RNF144A: variants seen among roughly 807,000 people sequenced by gnomAD.
RNF144A encodes ring finger protein 144A, also known as E3 ubiquitin-protein ligase RNF144A.
Under a neutral mutation model 38.7 loss-of-function variants are expected in RNF144A, and 11 were observed. The observed-to-expected ratio is 0.28, with a 90% CI of 0.18 to 0.47. RNF144A has a LOEUF of 0.47. Among genes scored for constraint, RNF144A ranks in the 20% least tolerant of loss-of-function variants. The pLI is 0.99. For synonymous variants in RNF144A, 149 were observed against 143.9 expected, an observed-to-expected ratio of 1.04 and a Z score of -0.25; for missense variants, 316 against 377.2, an observed-to-expected ratio of 0.84 and a Z score of 1.34.
At chr2:6,921,053 A>G (rs138550694) in intron 1 of RNF144A, among the ~76,000 whole-genome samples, 2,018 of 152,374 alleles carry the variant, frequency 0.013, 38 homozygotes, top group African/African-American at 0.046. Flanking sequence ...CTCACCAAGT[A>G]CAACCATTCG....
chr2:7,013,871 G>C (rs563419217), intron 3 of RNF144A, among the ~76,000 whole-genome samples: 9 of 152,352 alleles, frequency 5.9e-5, no homozygotes, highest in Admixed American at 5.9e-4. Context: ...GAGGCACCCT[G>C]AGTGAGGAAT....
At chr2:7,047,824 A>G (rs945338448), downstream of RNF144A, among the ~76,000 whole-genome samples, 3 of 152,190 alleles carry the variant, frequency 2.0e-5, no homozygotes, top group African/African-American at 7.2e-5. Flanking sequence ...ATGCTCACAA[A>G]GCTGCGAGTC....
intron 3 of RNF144A, among the ~76,000 whole-genome samples, chr2:6,999,713 G>A (rs1669980398): frequency 6.6e-6 from 1 of 152,176 alleles, no homozygotes; most frequent in Non-Finnish European, 1.5e-5. Flanking sequence ...GAACATGTGT[G>A]AAGTCATGTG....
At chr2:6,967,229 A>G (rs1355261616) in intron 2 of RNF144A, among the ~76,000 whole-genome samples, 1 of 152,244 alleles carries the variant, frequency 6.6e-6, no homozygotes. Flanking sequence ...CATGTAGGTC[A>G]TTCTTCCTCC....
At chr2:6,968,183 C>T (rs1667788555) in intron 2 of RNF144A, among the ~76,000 whole-genome samples, 1 of 152,234 alleles carries the variant, frequency 6.6e-6, no homozygotes, top group Non-Finnish European at 1.5e-5. Flanking sequence ...GATCCTTCCT[C>T]AAGGACCTTC....
chr2:7,042,848 G>A lies in RNF144A; in HGVS notation c.*3088G>A. 2 of 985,402 alleles carry A rather than the reference G, an allele frequency of 2.0e-6. No individual in the cohort carries two copies. Among genetic ancestry groups the A allele is most frequent in the Non-Finnish European group, 2.4e-6 (2 of 829,906 alleles). The allele number at this position is 985,402 out of a possible 1,614,324, so 61.0% of individuals were successfully genotyped here. A position where few individuals can be genotyped will look rare whatever the true frequency, so the allele number is the denominator to read the frequency against. ...GCTGTGGACAGAGGAACCAACATCT[G>A]CCACCTCTGGCATTTTCTTTCTTTT... is the stretch of plus-strand genomic sequence containing the variant. On this transcript the variant is annotated 3_prime_UTR_variant, in exon 9 of 9. Coordinates refer to ENST00000320892, the MANE Select transcript of RNF144A (RefSeq NM_014746.6).
intron 2 of RNF144A, among the ~76,000 whole-genome samples, chr2:6,965,015 C>G (rs2103336335): frequency 6.6e-6 from 1 of 152,266 alleles, no homozygotes; most frequent in Non-Finnish European, 1.5e-5. Flanking sequence ...GCACTCAACA[C>G]AGTAGCAAGG....
chr2:7,015,873 T>A (rs1671103324), intron 5 of RNF144A, among the ~76,000 whole-genome samples: 1 of 151,762 alleles, frequency 6.6e-6, no homozygotes, highest in Non-Finnish European at 1.5e-5. Flanking sequence ...GACACAGCCC[T>A]GGAGGGTGGG....
At chr2:6,966,412 C>T (rs1387247624) in intron 2 of RNF144A, among the ~76,000 whole-genome samples, 1 of 152,164 alleles carries the variant, frequency 6.6e-6, no homozygotes, top group Non-Finnish European at 1.5e-5. Flanking sequence ...CACCTTCTAG[C>T]TAGGATGCAG....
intron 2 of RNF144A, among the ~76,000 whole-genome samples, chr2:6,961,968 G>T (rs1572275629): frequency 6.6e-6 from 1 of 152,322 alleles, no homozygotes; most frequent in East Asian, 1.9e-4. Flanking sequence ...GAGGTTTGTT[G>T]TTTCATGGCC....
intron 2 of RNF144A, among the ~76,000 whole-genome samples, chr2:6,990,715 G>C (rs1056998847): frequency 6.6e-6 from 1 of 151,972 alleles, no homozygotes; most frequent in Non-Finnish European, 1.5e-5. Context: ...GTTTACGCTA[G>C]GTTTCACTCA....
At chr2:7,073,123 C>T (rs1385052964), downstream of RNF144A, among the ~76,000 whole-genome samples, 2 of 152,190 alleles carry the variant, frequency 1.3e-5, no homozygotes, top group Non-Finnish European at 2.9e-5. Flanking sequence ...AGAACCCTGT[C>T]GCCACTCAGG....
rs747804343 is a variant in RNF144A, at chr2:6,944,692, G to GAA, written c.-12+3546_-12+3547dup. Among the ~76,000 whole-genome samples the GAA allele has an allele frequency of 4.6e-5, 7 of 152,070 alleles. No individual in the cohort carries two copies. The highest frequency in any genetic ancestry group is 8.8e-5 in the Non-Finnish European group (6 of 68,016). ...CCTCAGGTGTGAGGGAGACATTAAA[G>GAA]AACCCTGGAGAAAACACATCACGAG... On this transcript the variant is annotated intron_variant, in intron 2 of 8. Transcript: ENST00000320892. This position sits in a 1 kb window ranked among gnomAD's most constrained non-coding sequence, Gnocchi z 4.7.
At chr2:7,002,236 C>A (rs10495549) in intron 3 of RNF144A, among the ~76,000 whole-genome samples, 1 of 151,960 alleles carries the variant, frequency 6.6e-6, no homozygotes, top group African/African-American at 2.4e-5. Flanking sequence ...GTGCACATAG[C>A]GGATATTTAT....
At chr2:7,011,126 G>A (rs1263791199) in intron 3 of RNF144A, among the ~76,000 whole-genome samples, 4 of 152,120 alleles carry the variant, frequency 2.6e-5, no homozygotes, top group Non-Finnish European at 4.4e-5. Context: ...GATTTTGAAA[G>A]TGTTCTTTTA....
intron 2 of RNF144A, among the ~76,000 whole-genome samples, chr2:6,972,710 C>T (rs1668072303): frequency 6.6e-6 from 1 of 152,172 alleles, no homozygotes; most frequent in African/African-American, 2.4e-5. Flanking sequence ...CCTGGGGGTG[C>T]AGTGCATCCC....
At chr2:6,920,011 T>C (rs77243874) in intron 1 of RNF144A, among the ~76,000 whole-genome samples, 190 of 152,324 alleles carry the variant, frequency 1.2e-3, no homozygotes, top group African/African-American at 4.5e-3. Context: ...AAGTCACGTC[T>C]CCTGGGGATT....
intron 2 of RNF144A, among the ~76,000 whole-genome samples, chr2:6,966,096 G>C (rs1430064119): frequency 6.6e-6 from 1 of 152,204 alleles, no homozygotes; most frequent in African/African-American, 2.4e-5. Context: ...AAGAAGAAAT[G>C]GTGGTTTAAA....
At position 7,020,544 on chromosome 2, in the gene RNF144A, G is replaced by T; in HGVS notation, c.373G>T (p.Val125Leu). 1 of 1,613,558 alleles carries T rather than the reference G, an allele frequency of 6.2e-7. No individual in the cohort carries two copies. The highest frequency in any genetic ancestry group is 2.2e-5 in the East Asian group (1 of 44,882). ...TCQAVCQLQD[V>L]GLQTPQPVQC... ...CCAAGCTGTGTGTCAGCTCCAGGAC[G>T]TGGGGCTGCAGACCCCCCAGCCAGT... Residue 125 changes from valine to leucine, a missense_variant, in exon 6 of 9, where the codon GTG becomes TTG. Coordinates refer to ENST00000320892, the MANE Select transcript of RNF144A (RefSeq NM_014746.6).
Sources: allele counts gnomAD v4.1 joint callset (sites outside exome capture counted in the v4.1 genomes callset), GRCh38; gene constraint gnomAD v4.1.1; non-coding constraint Gnocchi (gnomAD v3.1); transcripts MANE v1.5; gene names NCBI Gene and HGNC (gene_info 2026-07-23, HGNC 2026-07-21).